XYLT1: variants seen among roughly 807,000 people sequenced by gnomAD.
XYLT1 encodes the protein xylosyltransferase 1, also known as beta-D-xylosyltransferase 1.
Under a neutral mutation model 91.3 loss-of-function variants are expected in XYLT1, and 36 were observed. That is an observed-to-expected ratio of 0.39 (90% CI 0.30 to 0.52). The LOEUF (loss-of-function observed/expected upper bound fraction) is 0.52, where lower values mean the gene tolerates loss of function less well. Among genes scored for constraint, XYLT1 ranks in the 20% least tolerant of loss-of-function variants. The pLI is 0.68. For synonymous variants in XYLT1, 588 were observed against 532.0 expected, an observed-to-expected ratio of 1.11 and a Z score of -1.45; for missense variants, 1,242 against 1,284.5, an observed-to-expected ratio of 0.97 and a Z score of 0.51.
At chr16:17,336,981 A>G (rs1038606963) in intron 2 of XYLT1, among the ~76,000 whole-genome samples, 2 of 152,232 alleles carry the variant, frequency 1.3e-5, no homozygotes, top group African/African-American at 4.8e-5. Flanking sequence ...TTTGGTGGAC[A>G]CTATCATAGC....
intron 1 of XYLT1, among the ~76,000 whole-genome samples, chr16:17,459,998 G>A (rs934557164): frequency 3.9e-5 from 6 of 152,178 alleles, no homozygotes. Flanking sequence ...CCATTCACAT[G>A]GGGCTTTCTG....
rs895787972 is a variant in XYLT1 at position 17,104,044 on chromosome 16, A to C, written c.*4651T>G. 3 of 152,844 alleles carry C rather than the reference A, an allele frequency of 2.0e-5. No homozygotes were observed. The East Asian group carries it at 5.8e-4, about 29-fold the overall frequency. The allele number at this position is 152,844 out of a possible 1,614,324, so 9.5% of individuals were successfully genotyped here. On this transcript the variant is annotated 3_prime_UTR_variant, in exon 12 of 12. Transcript: ENST00000261381. ...AACTTTGTTCCCCCCTCCCAGGTAAACTTCTCAGCAGACACAATGAGGTAG... is the reference window on the plus strand; with the variant it reads ...AACTTTGTTCCCCCCTCCCAGGTAACCTTCTCAGCAGACACAATGAGGTAG...
At chr16:17,124,733 A>C (rs895646956) in intron 10 of XYLT1, among the ~76,000 whole-genome samples, 1 of 152,216 alleles carries the variant, frequency 6.6e-6, no homozygotes, top group Non-Finnish European at 1.5e-5. Flanking sequence ...AACGCCAATT[A>C]TTCTTAAGTT....
intron 1 of XYLT1, among the ~76,000 whole-genome samples, chr16:17,436,317 A>G (rs2036458375): frequency 6.6e-6 from 1 of 152,212 alleles, no homozygotes. Context: ...AGAGAGATGA[A>G]GTGACTTGCC....
chr16:17,142,532 C>A (rs1039677804), intron 6 of XYLT1, among the ~76,000 whole-genome samples: 1 of 146,986 alleles, frequency 6.8e-6, no homozygotes, highest in African/African-American at 2.5e-5. Context: ...TTCCTGGGTT[C>A]AAGTGATTCT....
intron 1 of XYLT1, among the ~76,000 whole-genome samples, chr16:17,380,005 G>A (rs912506440): frequency 6.6e-6 from 1 of 152,086 alleles, no homozygotes; most frequent in Non-Finnish European, 1.5e-5. Context: ...GGTGGTTGGA[G>A]GGCTGGGAGC....
intron 2 of XYLT1, among the ~76,000 whole-genome samples, chr16:17,293,552 A>G (rs1036676760): frequency 6.9e-6 from 1 of 145,638 alleles, no homozygotes; most frequent in Non-Finnish European, 1.5e-5. Context: ...CAGCGGCACA[A>G]TCCTGGCTCA....
At chr16:17,415,428 G>C (rs553061844) in intron 1 of XYLT1, among the ~76,000 whole-genome samples, 1 of 152,294 alleles carries the variant, frequency 6.6e-6, no homozygotes, top group East Asian at 1.9e-4. Flanking sequence ...GGTGGCTCAC[G>C]CCTGTAATCC....
intron 2 of XYLT1, among the ~76,000 whole-genome samples, chr16:17,353,712 T>G (rs2035251982): frequency 1.2e-5 from 1 of 81,052 alleles, no homozygotes; most frequent in African/African-American, 9.8e-5. Context: ...AGGCACTGTC[T>G]ATCTGTCCGT....
intron 3 of XYLT1, among the ~76,000 whole-genome samples, chr16:17,232,870 G>A (rs1187574200): frequency 6.6e-6 from 1 of 152,098 alleles, no homozygotes; most frequent in Non-Finnish European, 1.5e-5. Context: ...TGTCCTTCTT[G>A]ACCTGGTGAA....
chr16:17,438,011 G>A (rs1413389668), intron 1 of XYLT1, among the ~76,000 whole-genome samples: 4 of 152,102 alleles, frequency 2.6e-5, no homozygotes, highest in African/African-American at 7.2e-5. Context: ...CATCAAATGC[G>A]AATGGAACAT....
chr16:17,465,013 G>A (rs1397408053), intron 1 of XYLT1, among the ~76,000 whole-genome samples: 1 of 151,628 alleles, frequency 6.6e-6, no homozygotes, highest in Non-Finnish European at 1.5e-5. Context: ...GCGTGGTGGT[G>A]CACGCCTGTA....
At chr16:17,326,725 T>C (rs1204380719) in intron 2 of XYLT1, among the ~76,000 whole-genome samples, 2 of 151,702 alleles carry the variant, frequency 1.3e-5, no homozygotes, top group African/African-American at 4.8e-5. Flanking sequence ...CTTGGGAGAC[T>C]GAGGCAGGAG....
At chr16:17,310,596 A>G (rs558669122) in intron 2 of XYLT1, among the ~76,000 whole-genome samples, 98 of 152,324 alleles carry the variant, frequency 6.4e-4, no homozygotes, top group African/African-American at 2.2e-3. Context: ...CATGCCTGTA[A>G]TCTCAGCACT....
In XYLT1 at chr16:17,106,984, G is replaced by A. The variant is rs1210459084; in HGVS notation, c.*1711C>T. ...AAACCGAGAGAGAGAGAGACACCAG[G>A]GGGTGGGAAAAGATGGGAAAAGGGG... On this transcript the variant is annotated 3_prime_UTR_variant, in exon 12 of 12. Coordinates refer to ENST00000261381, the MANE Select transcript of XYLT1 (RefSeq NM_022166.4). 1.3e-5 allele frequency: 2 copies of A among 152,124 alleles called. No individual in the cohort carries two copies. The highest frequency in any genetic ancestry group is 4.8e-5 in the African/African-American group (2 of 41,408). 9.4% of individuals were successfully genotyped at this position (152,124 alleles called of 1,614,324 possible). A position where few individuals can be genotyped will look rare whatever the true frequency, so the allele number is the denominator to read the frequency against.
intron 1 of XYLT1, among the ~76,000 whole-genome samples, chr16:17,451,962 T>C (rs907716203): frequency 2.6e-5 from 4 of 152,194 alleles, no homozygotes; most frequent in African/African-American, 4.8e-5. Flanking sequence ...AGAAAAAAGG[T>C]ACATGAAGTG....
intron 11 of XYLT1, among the ~76,000 whole-genome samples, chr16:17,115,475 C>T (rs1396251913): frequency 1.9e-5 from 2 of 106,384 alleles, no homozygotes; most frequent in East Asian, 3.0e-4. Flanking sequence ...AAGAGCCTGA[C>T]CTAAATTCTT....
At chr16:17,203,045 A>C (rs570528400) in intron 3 of XYLT1, among the ~76,000 whole-genome samples, 4 of 152,332 alleles carry the variant, frequency 2.6e-5, no homozygotes, top group South Asian at 2.1e-4. Context: ...GAAGAGGCCA[A>C]GGGATTGGCT....
chr16:17,314,929 G>T (rs2034604377), intron 2 of XYLT1, among the ~76,000 whole-genome samples: 1 of 152,042 alleles, frequency 6.6e-6, no homozygotes, highest in Admixed American at 6.5e-5. Flanking sequence ...AAAGTAGAGA[G>T]GTGAGAGGTA....
Sources: allele counts gnomAD v4.1 joint callset (sites outside exome capture counted in the v4.1 genomes callset), GRCh38; gene constraint gnomAD v4.1.1; transcripts MANE v1.5; gene names NCBI Gene and HGNC (gene_info 2026-07-23, HGNC 2026-07-21).